The following ROBO2 variants were observed in gnomAD, a reference collection of about 807,000 sequenced individuals.
The protein encoded by ROBO2 is roundabout guidance receptor 2, also known as roundabout homolog 2.
In ROBO2, 53 loss-of-function variants were observed where a neutral mutation model predicts 160.8. The observed-to-expected ratio is 0.33, with a 90% CI of 0.26 to 0.41. The LOEUF is 0.41. Ranked by LOEUF, ROBO2 falls within the 10% of genes least tolerant of loss-of-function variation. The pLI is 1.00. For missense variants in ROBO2, 1,577 were observed against 1,722.4 expected (o/e 0.92, Z 1.49); for synonymous variants, 664 against 611.7 (o/e 1.09, Z -1.26).
intron 2 of ROBO2, among the ~76,000 whole-genome samples, chr3:77,128,916 C>A (rs561468566): frequency 2.0e-4 from 31 of 152,204 alleles, no homozygotes; most frequent in African/African-American, 7.5e-4. Context: ...TTACTCATTT[C>A]TTTTCCTTGG....
chr3:77,186,737 T>A (rs1435184287), intron 2 of ROBO2, among the ~76,000 whole-genome samples: 3 of 152,000 alleles, frequency 2.0e-5, no homozygotes, highest in African/African-American at 4.8e-5. Context: ...GCAATGTGAT[T>A]CCAAAGATAT....
chr3:77,641,881 A>T (rs1452563053), intron 24 of ROBO2, among the ~76,000 whole-genome samples: 1 of 152,226 alleles, frequency 6.6e-6, no homozygotes, highest in South Asian at 2.1e-4. Flanking sequence ...TGGAACCTTA[A>T]ATTTTTTCCT....
intron 2 of ROBO2, among the ~76,000 whole-genome samples, chr3:76,772,335 T>A (rs1160983423): frequency 1.3e-5 from 2 of 150,266 alleles, no homozygotes; most frequent in Admixed American, 6.7e-5. Context: ...CACTAAATAA[T>A]CATGAACAGT....
intron 2 of ROBO2, among the ~76,000 whole-genome samples, chr3:76,335,644 C>T (rs982558237): frequency 4.0e-5 from 6 of 151,410 alleles, no homozygotes; most frequent in Non-Finnish European, 8.8e-5. Context: ...GGGGCGCGAT[C>T]TCGGCTCACT....
intron 2 of ROBO2, among the ~76,000 whole-genome samples, chr3:76,188,802 C>G (rs1203454029): frequency 6.6e-6 from 1 of 152,050 alleles, no homozygotes; most frequent in African/African-American, 2.4e-5. Context: ...CATGTTCACA[C>G]TCATATCTCC....
chr3:76,237,685 T>C (rs1277465219), intron 2 of ROBO2, among the ~76,000 whole-genome samples: 1 of 152,180 alleles, frequency 6.6e-6, no homozygotes, highest in Non-Finnish European at 1.5e-5. Context: ...GTATGATTAC[T>C]GATGTGTGGC....
chr3:77,536,163 G>C (rs2153638591), intron 6 of ROBO2, among the ~76,000 whole-genome samples: 1 of 152,144 alleles, frequency 6.6e-6, no homozygotes, highest in African/African-American at 2.4e-5. Context: ...TATATTACTT[G>C]CCGGAGGCCT....
At chr3:76,144,242 G>A (rs1577039411) in intron 2 of ROBO2, among the ~76,000 whole-genome samples, 1 of 151,956 alleles carries the variant, frequency 6.6e-6, no homozygotes, top group African/African-American at 2.4e-5. Context: ...ACTTTAAAAG[G>A]CATTCCTAAT....
At chr3:75,926,504 TA>T (rs1208055545) in intron 1 of ROBO2, among the ~76,000 whole-genome samples, 1 of 152,198 alleles carries the variant, frequency 6.6e-6, no homozygotes. Context: ...CTAGAAGGTT[TA>T]AAAAATGTTT....
Position 77,105,329 on chromosome 3 carries a change from T to A in ROBO2, c.388+6989T>A, listed in dbSNP as rs1371488445. Among the ~76,000 whole-genome samples the A allele has an allele frequency of 4.6e-5, 7 of 152,318 alleles. No homozygotes were observed. In the East Asian group the frequency reaches 5.8e-4, roughly 13 times the overall value. On this transcript the variant is annotated intron_variant, in intron 2 of 25. Coordinates refer to ENST00000461745, the Ensembl canonical transcript of ROBO2. ...TTACAGGTGAGGACCAAAAAGAATA[T>A]AGGAGCAACTTTCGTTTTTTGTAAT...
rs57475227 is a variant in ROBO2 at position 77,433,486 on chromosome 3, G to GTATATATATATATATATATATATA, written c.389-43918_389-43895dup. ...GATTTTCCTTCTTCTCTGGCAACTT[G>GTATATATATATATATATATATATA]TATATATATATATATATATATATAT... On this transcript the variant is annotated intron_variant, in intron 2 of 25. Coordinates refer to ENST00000461745, the Ensembl canonical transcript of ROBO2. Among the ~76,000 whole-genome samples, 130 of 99,378 alleles carry GTATATATATATATATATATATATA rather than the reference G, an allele frequency of 1.3e-3. 1 individual carries two copies. Among genetic ancestry groups the GTATATATATATATATATATATATA allele is most frequent in the African/African-American group, 3.6e-3 (101 of 28,360 alleles). The allele number at this position is 99,378 out of a possible 152,430, so 65.2% of individuals were successfully genotyped here.
intron 2 of ROBO2, among the ~76,000 whole-genome samples, chr3:76,932,569 AAG>A (rs2077417942): frequency 6.6e-6 from 1 of 152,116 alleles, no homozygotes; most frequent in Non-Finnish European, 1.5e-5. Flanking sequence ...TGGCCAGAAA[AAG>A]GACCCCTTAT....
intron 2 of ROBO2, among the ~76,000 whole-genome samples, chr3:76,479,714 A>G (rs2079112058): frequency 6.6e-6 from 1 of 152,196 alleles, no homozygotes. Flanking sequence ...TATAAGCTTC[A>G]GATTTGAAAA....
chr3:76,093,437 A>T (rs2069312762), intron 2 of ROBO2, among the ~76,000 whole-genome samples: 1 of 150,508 alleles, frequency 6.6e-6, no homozygotes, highest in South Asian at 2.1e-4. Context: ...ACTAGCAGTC[A>T]CACAGGCCTG....
intron 5 of ROBO2, among the ~76,000 whole-genome samples, chr3:77,516,141 A>G (rs964978309): frequency 1.3e-5 from 2 of 151,518 alleles, no homozygotes; most frequent in African/African-American, 4.8e-5. Context: ...TGAAATTGTT[A>G]TTTTTACACA....
At chr3:75,965,638 T>C (rs1044707970) in intron 2 of ROBO2, among the ~76,000 whole-genome samples, 6 of 10,468 alleles carry the variant, frequency 5.7e-4, no homozygotes, top group Non-Finnish European at 3.7e-3. Flanking sequence ...ATATTTGGTA[T>C]AATTCTGTTA....
At chr3:77,362,856 A>G (rs1448898256) in intron 2 of ROBO2, among the ~76,000 whole-genome samples, 1 of 151,936 alleles carries the variant, frequency 6.6e-6, no homozygotes, top group Non-Finnish European at 1.5e-5. Flanking sequence ...GTTGAGAGGA[A>G]CTCCTTTTTA....
chr3:76,132,178 A>G (rs1352469271), intron 2 of ROBO2, among the ~76,000 whole-genome samples: 2 of 152,058 alleles, frequency 1.3e-5, no homozygotes, highest in African/African-American at 2.4e-5. Flanking sequence ...ATGGGGCAAA[A>G]CCCCAAGACA....
chr3:76,640,871 C>G, intron 2 of ROBO2, among the ~76,000 whole-genome samples: 1 of 152,090 alleles, frequency 6.6e-6, no homozygotes, highest in East Asian at 1.9e-4. Flanking sequence ...ACAGAAGAGC[C>G]AACCTGAGGG....
Sources: allele counts gnomAD v4.1 joint callset (sites outside exome capture counted in the v4.1 genomes callset), GRCh38; gene constraint gnomAD v4.1.1; transcripts MANE v1.5; gene names NCBI Gene and HGNC (gene_info 2026-07-23, HGNC 2026-07-21).